Variants in OSBPL3 observed in about 807,000 individuals in gnomAD.
The protein encoded by OSBPL3 is oxysterol binding protein like 3.
OSBPL3 carries 65 observed loss-of-function variants against 120.1 expected under a neutral mutation model. That is an observed-to-expected ratio of 0.54 (90% CI 0.44 to 0.67). OSBPL3 has a LOEUF of 0.67. OSBPL3 is among the 30% of genes least tolerant of loss of function. OSBPL3 has a pLI of 0.00. For synonymous variants in OSBPL3, 416 were observed against 402.6 expected, an observed-to-expected ratio of 1.03 and a Z score of -0.40; for missense variants, 1,004 against 1,082.1, an observed-to-expected ratio of 0.93 and a Z score of 1.01.
At chr7:24,944,343 T>C (rs371958496) in intron 1 of OSBPL3, among the ~76,000 whole-genome samples, 5 of 152,118 alleles carry the variant, frequency 3.3e-5, no homozygotes, top group Non-Finnish European at 7.4e-5. Context: ...AAAAATGCCA[T>C]GGTGGCCGGG....
Position 24,871,297 on chromosome 7 carries a change from T to A in OSBPL3, c.267+445A>T, listed in dbSNP as rs1268748309. On this transcript the variant is annotated intron_variant, in intron 4 of 22. Transcript: ENST00000313367. The surrounding 1 kb of genome is among the most constrained non-coding windows in gnomAD (Gnocchi z 4.8). ...GAGGAAGAAGGGAGAAGAGTAGGAC[T>A]CCTACAAGGGACAGGACAAATGGTC... Among the ~76,000 whole-genome samples, 2 of 152,148 alleles carry A rather than the reference T, an allele frequency of 1.3e-5. No individual in the cohort carries two copies. The highest frequency in any genetic ancestry group is 2.9e-5 in the Non-Finnish European group (2 of 68,020).
chr7:24,945,011 C>T lies in OSBPL3; in HGVS notation c.-150+34875G>A, dbSNP rs938083343. On this transcript the variant is annotated intron_variant, in intron 1 of 22. Coordinates refer to ENST00000313367, the MANE Select transcript of OSBPL3 (RefSeq NM_015550.4). Reference sequence around the variant, plus strand: ...AAGCAGCATTCTTAAACCAAAACCGCCACTGCCAGGTCCTTTGGTGGCAAA... The same window carrying T: ...AAGCAGCATTCTTAAACCAAAACCGTCACTGCCAGGTCCTTTGGTGGCAAA... Among the ~76,000 whole-genome samples, 28 of 152,256 alleles carry T rather than the reference C, an allele frequency of 1.8e-4. No homozygotes were observed. The South Asian group carries it at 5.8e-3, about 32-fold the overall frequency.
rs70942886 is a variant in OSBPL3 at position 24,841,717 on chromosome 7, A to AAAAAAAAAAAAAAAAAAAAAAAAAAG, written c.1401+561_1401+562insCTTTTTTTTTTTTTTTTTTTTTTTTT. On this transcript the variant is annotated intron_variant, in intron 13 of 22. Coordinates refer to ENST00000313367, the MANE Select transcript of OSBPL3 (RefSeq NM_015550.4). The stretch of plus-strand genomic sequence containing the variant: ...CTCAAAAAAAAAAAAAAAAAAAAAA[A>AAAAAAAAAAAAAAAAAAAAAAAAAAG]AAAAGAGGCCAGGCACAGTGGCTCA... 2.3e-4 allele frequency among the ~76,000 whole-genome samples: 19 copies of AAAAAAAAAAAAAAAAAAAAAAAAAAG among 82,798 alleles called. 6 individuals are homozygous for AAAAAAAAAAAAAAAAAAAAAAAAAAG. Among genetic ancestry groups the AAAAAAAAAAAAAAAAAAAAAAAAAAG allele is most frequent in the Admixed American group, 4.4e-4 (3 of 6,874 alleles). 54.3% of individuals were successfully genotyped at this position (82,798 alleles called of 152,430 possible).
rs62448670 is a variant in OSBPL3, at chr7:24,930,313, T to G, written c.-149-37692A>C. Among the ~76,000 whole-genome samples, 47,867 of 151,968 alleles carry G rather than the reference T, an allele frequency of 0.31. 8,745 individuals are homozygous for G. Among genetic ancestry groups the G allele is most frequent in the East Asian group, 0.51 (2,618 of 5,164 alleles). On this transcript the variant is annotated intron_variant, in intron 1 of 22. Coordinates refer to ENST00000313367, the MANE Select transcript of OSBPL3 (RefSeq NM_015550.4). This position sits in a 1 kb window ranked among gnomAD's most constrained non-coding sequence, Gnocchi z 4.4. ...AACATCTGGTGTTTGTAGGAATACA[T>G]GGGAAAAACTCAACACTTTTTGTTG...
chr7:24,853,603 G>C (rs902154649), intron 10 of OSBPL3, among the ~76,000 whole-genome samples: 11 of 152,172 alleles, frequency 7.2e-5, no homozygotes, highest in Non-Finnish European at 1.6e-4. Context: ...AGGTAGAATA[G>C]ATAAAAGTTG....
At chr7:24,926,081 G>A (rs757155050) in intron 1 of OSBPL3, among the ~76,000 whole-genome samples, 2 of 152,172 alleles carry the variant, frequency 1.3e-5, no homozygotes, top group Non-Finnish European at 2.9e-5. Flanking sequence ...GGTATGCCGT[G>A]GTCATTGGAT....
chr7:24,847,475 T>C (rs1312850967), intron 12 of OSBPL3, among the ~76,000 whole-genome samples: 2 of 152,204 alleles, frequency 1.3e-5, no homozygotes, highest in Non-Finnish European at 2.9e-5. Flanking sequence ...TCAAGGACAG[T>C]GTATAGCATT....
chr7:24,942,134 C>T (rs1244001400), intron 1 of OSBPL3, among the ~76,000 whole-genome samples: 1 of 151,824 alleles, frequency 6.6e-6, no homozygotes, highest in African/African-American at 2.4e-5. Flanking sequence ...AAGAAGCCTT[C>T]CCTTAACAAT....
intron 2 of OSBPL3, among the ~76,000 whole-genome samples, chr7:24,889,606 A>G (rs1475182969): frequency 6.6e-6 from 1 of 152,242 alleles, no homozygotes; most frequent in African/African-American, 2.4e-5. Context: ...AACCTGAAAA[A>G]AAAAGAATAA....
At chr7:24,925,137 A>G (rs1462005278) in intron 1 of OSBPL3, among the ~76,000 whole-genome samples, 1 of 152,264 alleles carries the variant, frequency 6.6e-6, no homozygotes, top group Non-Finnish European at 1.5e-5. Context: ...ATGTTAGCAC[A>G]GAGTTGGATT....
rs923687011 is a variant in OSBPL3, at chr7:24,833,215, C to G, written c.1746+1271G>C. Among the ~76,000 whole-genome samples the G allele has an allele frequency of 1.3e-5, 2 of 152,138 alleles. No individual in the cohort carries two copies. Among genetic ancestry groups the G allele is most frequent in the African/African-American group, 4.8e-5 (2 of 41,420 alleles). On this transcript the variant is annotated intron_variant, in intron 15 of 22. Transcript: ENST00000313367. The surrounding 1 kb of genome is among the most constrained non-coding windows in gnomAD (Gnocchi z 4.4). Reference sequence around the variant, plus strand: ...GATTATCAGTAACAAGAAAGAAAGTCTCTTGGGCCAGGTACAGTGACTCAT... The same window carrying G: ...GATTATCAGTAACAAGAAAGAAAGTGTCTTGGGCCAGGTACAGTGACTCAT...
rs1794561444 is a variant in OSBPL3, at chr7:24,817,025, G to T, written c.1949-337C>A. 6.6e-6 allele frequency among the ~76,000 whole-genome samples: 1 copy of T among 152,206 alleles called. No homozygotes were observed. Among genetic ancestry groups the T allele is most frequent in the Non-Finnish European group, 1.5e-5 (1 of 68,044 alleles). ...GGAGTGACGAATATGCTTGGAGAAAGCATCAGAAGAGGCTTGTCAGAAAGG... is the reference window on the plus strand; with the variant it reads ...GGAGTGACGAATATGCTTGGAGAAATCATCAGAAGAGGCTTGTCAGAAAGG... On this transcript the variant is annotated intron_variant, in intron 17 of 22. Transcript: ENST00000313367. The surrounding 1 kb of genome is among the most constrained non-coding windows in gnomAD (Gnocchi z 4.0).
chr7:24,879,422 T>A lies in OSBPL3; in HGVS notation c.97-7353A>T, dbSNP rs1803325868. On this transcript the variant is annotated intron_variant, in intron 2 of 22. Transcript: ENST00000313367. The surrounding 1 kb of genome is among the most constrained non-coding windows in gnomAD (Gnocchi z 5.6). Reference sequence around the variant, plus strand: ...CACCGTCACCATCCCTTCTTTCCCTTCACACACAGATGTAGCTCTCCAACC... The same window carrying A: ...CACCGTCACCATCCCTTCTTTCCCTACACACACAGATGTAGCTCTCCAACC... Among the ~76,000 whole-genome samples the A allele has an allele frequency of 6.6e-6, 1 of 152,112 alleles. No individual in the cohort carries two copies. Among genetic ancestry groups the A allele is most frequent in the Non-Finnish European group, 1.5e-5 (1 of 68,016 alleles).
intron 19 of OSBPL3, 56 bp from the exon 20 acceptor site, chr7:24,810,007 T>C: frequency 1.9e-6 from 3 of 1,586,480 alleles, no homozygotes; most frequent in Non-Finnish European, 2.6e-6. Flanking sequence ...ATTACAGATA[T>C]TAAGGAAAGA....
At chr7:24,973,956 A>T (rs1260258662) in intron 1 of OSBPL3, among the ~76,000 whole-genome samples, 1 of 152,238 alleles carries the variant, frequency 6.6e-6, no homozygotes, top group Non-Finnish European at 1.5e-5. Context: ...TCTTAAGTAG[A>T]CAAAGAGTAA....
At chr7:24,859,575 G>A (rs1800250673) in intron 10 of OSBPL3, among the ~76,000 whole-genome samples, 1 of 152,156 alleles carries the variant, frequency 6.6e-6, no homozygotes, top group Admixed American at 6.5e-5. Context: ...ATCTGTAAGA[G>A]CAGAGAAATA....
In OSBPL3 at chr7:24,827,117, G is replaced by T. The variant is rs886717653; in HGVS notation, c.1884+3651C>A. 6.6e-6 allele frequency among the ~76,000 whole-genome samples: 1 copy of T among 152,170 alleles called. No individual in the cohort carries two copies. Among genetic ancestry groups the T allele is most frequent in the Non-Finnish European group, 1.5e-5 (1 of 68,036 alleles). On this transcript the variant is annotated intron_variant, in intron 16 of 22. Transcript: ENST00000313367. This position sits in a 1 kb window ranked among gnomAD's most constrained non-coding sequence, Gnocchi z 5.1. ...CCACCCAAAAATATTAATTCGGGGG[G>T]CTTGCCCAGTTTATTATACTAGTCA... is the stretch of plus-strand genomic sequence containing the variant.
In OSBPL3 at chr7:24,822,570, T is replaced by C. The variant is rs1795250101; in HGVS notation, c.1885-2332A>G. ...CCCATAATGTAAACATATTTTAAAG[T>C]GGATTATTATGAAGTAGATTATATT... On this transcript the variant is annotated intron_variant, in intron 16 of 22. Coordinates refer to ENST00000313367, the MANE Select transcript of OSBPL3 (RefSeq NM_015550.4). This position sits in a 1 kb window ranked among gnomAD's most constrained non-coding sequence, Gnocchi z 5.8. Among the ~76,000 whole-genome samples, 1 of 152,220 alleles carries C rather than the reference T, an allele frequency of 6.6e-6. No individual in the cohort carries two copies. Among genetic ancestry groups the C allele is most frequent in the Admixed American group, 6.5e-5 (1 of 15,286 alleles).
At chr7:24,801,357 G>A (rs1212984816) in intron 22 of OSBPL3, among the ~76,000 whole-genome samples, 2 of 151,848 alleles carry the variant, frequency 1.3e-5, no homozygotes, top group Non-Finnish European at 2.9e-5. Context: ...TTCAAAGGGC[G>A]CAAAAGGGTA....
Sources: allele counts gnomAD v4.1 joint callset (sites outside exome capture counted in the v4.1 genomes callset), GRCh38; gene constraint gnomAD v4.1.1; non-coding constraint Gnocchi (gnomAD v3.1); transcripts MANE v1.5; gene names NCBI Gene and HGNC (gene_info 2026-07-23, HGNC 2026-07-21).